The following USP3 variants were observed in gnomAD, a reference collection of about 807,000 sequenced individuals.
USP3 encodes the protein ubiquitin carboxyl-terminal hydrolase 3.
In USP3, 20 loss-of-function variants were observed where a neutral mutation model predicts 72.3. The observed-to-expected ratio is 0.28, with a 90% CI of 0.19 to 0.40. The LOEUF (loss-of-function observed/expected upper bound fraction) is 0.40. Ranked by LOEUF, USP3 falls within the 10% of genes least tolerant of loss-of-function variation. The pLI is 1.00. For missense variants in USP3, 479 were observed against 633.9 expected, an observed-to-expected ratio of 0.76 and a Z score of 2.62; for synonymous variants, 222 against 225.3, an observed-to-expected ratio of 0.99 and a Z score of 0.13.
At chr15:63,533,389 A>C (rs1370443832) in intron 2 of USP3, among the ~76,000 whole-genome samples, 1 of 152,056 alleles carries the variant, frequency 6.6e-6, no homozygotes, top group African/African-American at 2.4e-5. Flanking sequence ...ATTTCTTCCC[A>C]GTTCTTGGCC....
chr15:63,528,944 A>G lies in USP3; in HGVS notation c.92-3703A>G, dbSNP rs2152657034. On this transcript the variant is annotated intron_variant, in intron 1 of 14. Transcript: ENST00000380324. This position sits in a 1 kb window ranked among gnomAD's most constrained non-coding sequence, Gnocchi z 4.3. ...TGAAGCATGTATAAACAGAGTGAAT[A>G]TTCCCCAAAGCAATGCCATTTATTG... is the stretch of plus-strand genomic sequence containing the variant. The G allele has an allele frequency of 3.4e-6, 4 of 1,183,650 alleles. No individual in the cohort carries two copies. The highest frequency in any genetic ancestry group is 2.2e-4 in the Middle Eastern group (1 of 4,472). 73.3% of individuals were successfully genotyped at this position (1,183,650 alleles called of 1,614,324 possible). A position where few individuals can be genotyped will look rare whatever the true frequency, so the allele number is the denominator to read the frequency against.
In USP3 at chr15:63,529,987, AT is replaced by A. The variant is rs1012526398; in HGVS notation, c.92-2658del. Among the ~76,000 whole-genome samples the A allele has an allele frequency of 6.6e-6, 1 of 152,100 alleles. No homozygotes were observed. The highest frequency in any genetic ancestry group is 1.5e-5 in the Non-Finnish European group (1 of 68,010). ...TCTCTACCAAAAAGAAAAACAGAAAATTAGCCAGGCGTGGTGGCAGATGCCT... is the reference window on the plus strand; with the variant it reads ...TCTCTACCAAAAAGAAAAACAGAAAATAGCCAGGCGTGGTGGCAGATGCCT... On this transcript the variant is annotated intron_variant, in intron 1 of 14. Transcript: ENST00000380324. This position sits in a 1 kb window ranked among gnomAD's most constrained non-coding sequence, Gnocchi z 4.2.
chr15:63,510,752 C>T (rs567451943), intron 1 of USP3, among the ~76,000 whole-genome samples: 1 of 152,258 alleles, frequency 6.6e-6, no homozygotes, highest in Admixed American at 6.5e-5. Flanking sequence ...GCATTAACAA[C>T]AGTAACAGCT....
intron 1 of USP3, 195 bp from the exon 2 acceptor site, chr15:63,532,452 G>T: frequency 1.6e-6 from 1 of 635,090 alleles, no homozygotes. Flanking sequence ...CCGCTGTTGT[G>T]GACATGCATT....
At chr15:63,563,997 T>A (rs1428363556) in intron 8 of USP3, among the ~76,000 whole-genome samples, 1 of 152,204 alleles carries the variant, frequency 6.6e-6, no homozygotes, top group Non-Finnish European at 1.5e-5. Flanking sequence ...TTAAATCTCC[T>A]GTCAGGAAAA....
At position 63,588,362 on chromosome 15, in the gene USP3, G is replaced by T; in HGVS notation, c.1154G>T (p.Cys385Phe). ...CTTGATGAGACAGAGTTATATATGT[G>T]CCATAAATGCAAAAAGAAACAAAAG... ...EELDETELYM[C>F]HKCKKKQKST... is the part of the protein sequence containing the mutation. The change falls in exon 12 of 15, where the codon TGC (cysteine) becomes TTC (phenylalanine). Residue 385 changes from cysteine to phenylalanine, a missense_variant. Physicochemically the swap from Cys to Phe is radical, Grantham distance 205 (BLOSUM62 -2). Coordinates refer to ENST00000380324, the MANE Select transcript of USP3 (RefSeq NM_006537.4). This position sits in a 1 kb window ranked among gnomAD's most constrained non-coding sequence, Gnocchi z 4.6. 1.9e-6 allele frequency: 3 copies of T among 1,608,626 alleles called. No homozygotes were observed. The highest frequency in any genetic ancestry group is 2.5e-6 in the Non-Finnish European group (3 of 1,178,636).
At chr15:63,533,412 T>C (rs879767759) in intron 2 of USP3, among the ~76,000 whole-genome samples, 2 of 152,140 alleles carry the variant, frequency 1.3e-5, no homozygotes, top group Non-Finnish European at 2.9e-5. Context: ...AAAATAATAT[T>C]ATTTAAATAG....
Position 63,529,617 on chromosome 15 carries a change from A to G in USP3, c.92-3030A>G, listed in dbSNP as rs1384809444. Among the ~76,000 whole-genome samples the G allele has an allele frequency of 1.3e-5, 2 of 152,228 alleles. No homozygotes were observed. Among genetic ancestry groups the G allele is most frequent in the Admixed American group, 6.5e-5 (1 of 15,286 alleles). On this transcript the variant is annotated intron_variant, in intron 1 of 14. Coordinates refer to ENST00000380324, the MANE Select transcript of USP3 (RefSeq NM_006537.4). This position sits in a 1 kb window ranked among gnomAD's most constrained non-coding sequence, Gnocchi z 4.2. Reference sequence around the variant, plus strand: ...AATACCCTGTTCTAAATGCAGGAACATGAAGAAATGTGTTCATGCACCTTG... The same window carrying G: ...AATACCCTGTTCTAAATGCAGGAACGTGAAGAAATGTGTTCATGCACCTTG...
At chr15:63,515,643 T>A (rs900489120) in intron 1 of USP3, 6 of 152,260 alleles carry the variant, frequency 3.9e-5, no homozygotes, top group Non-Finnish European at 8.8e-5. Flanking sequence ...GATAAACTGC[T>A]ATTCTAATTT....
At chr15:63,511,447 AC>A (rs1400474182) in intron 1 of USP3, among the ~76,000 whole-genome samples, 3 of 152,122 alleles carry the variant, frequency 2.0e-5, no homozygotes, top group African/African-American at 7.2e-5. Context: ...GTCTTTTGTT[AC>A]CCCCCTCACC....
At chr15:63,579,008 T>TG in intron 11 of USP3, among the ~76,000 whole-genome samples, 1 of 152,270 alleles carries the variant, frequency 6.6e-6, no homozygotes, top group East Asian at 1.9e-4. Context: ...AAGTAATACT[T>TG]TGATAAATAT....
chr15:63,508,396 C>G (rs2065740670), intron 1 of USP3, among the ~76,000 whole-genome samples: 2 of 152,108 alleles, frequency 1.3e-5, no homozygotes, highest in African/African-American at 4.8e-5. Flanking sequence ...CCTTTGCTGC[C>G]AAAAAAGTTA....
intron 1 of USP3, among the ~76,000 whole-genome samples, chr15:63,512,361 CTTCT>C (rs1190214118): frequency 7.5e-6 from 1 of 133,492 alleles, no homozygotes. Flanking sequence ...TCCTCTTCTT[CTTCT>C]TTCTTCTTTC....
chr15:63,532,730 C>G (rs768877798), intron 2 of USP3, 23 bp downstream of exon 2: 1 of 1,612,298 alleles, frequency 6.2e-7, no homozygotes, highest in Non-Finnish European at 8.5e-7. Flanking sequence ...CTTATTACTT[C>G]ACTGACCTAT....
intron 1 of USP3, among the ~76,000 whole-genome samples, chr15:63,505,834 C>A (rs1044925771): frequency 6.6e-6 from 1 of 152,170 alleles, no homozygotes; most frequent in African/African-American, 2.4e-5. Context: ...GAATTGTGCA[C>A]TTCAGAAATC....
At chr15:63,509,287 G>A (rs1349433203) in intron 1 of USP3, among the ~76,000 whole-genome samples, 1 of 152,130 alleles carries the variant, frequency 6.6e-6, no homozygotes, top group Non-Finnish European at 1.5e-5. Flanking sequence ...ACTTAATAGA[G>A]CAATTAGTAA....
At chr15:63,575,202 A>G (rs1415052980) in intron 11 of USP3, among the ~76,000 whole-genome samples, 2 of 147,940 alleles carry the variant, frequency 1.4e-5, no homozygotes, top group South Asian at 4.2e-4. Context: ...GCACTGTCCA[A>G]TATGATAACC....
At chr15:63,532,737 C>G (rs776307087) in intron 2 of USP3, 30 bp downstream of exon 2, 8 of 1,608,626 alleles carry the variant, frequency 5.0e-6, no homozygotes, top group Non-Finnish European at 6.8e-6. Flanking sequence ...CTTCACTGAC[C>G]TATTTGCTTT....
At chr15:63,541,417 C>T (rs970743810) in intron 3 of USP3, among the ~76,000 whole-genome samples, 5 of 151,992 alleles carry the variant, frequency 3.3e-5, no homozygotes, top group Non-Finnish European at 5.9e-5. Flanking sequence ...TTCTTATAAA[C>T]GATTTGGACG....
Sources: allele counts gnomAD v4.1 joint callset (sites outside exome capture counted in the v4.1 genomes callset), GRCh38; gene constraint gnomAD v4.1.1; non-coding constraint Gnocchi (gnomAD v3.1); transcripts MANE v1.5; gene names NCBI Gene and HGNC (gene_info 2026-07-23, HGNC 2026-07-21).